The following STK33 variants were observed in gnomAD, a reference collection of about 807,000 sequenced individuals.
STK33 encodes serine/threonine kinase 33, also known as serine/threonine-protein kinase 33.
In STK33, 52 loss-of-function variants were observed where a neutral mutation model predicts 58.0. That is an observed-to-expected ratio of 0.90 (90% CI 0.72 to 1.13). The LOEUF is 1.13. Ranked by LOEUF, STK33 falls within the 50% of genes most tolerant of loss-of-function variation. The probability of loss-of-function intolerance (pLI) is 0.00; values close to 1 mark genes in which losing one functional copy is unlikely to be tolerated. For missense variants in STK33, 630 were observed against 604.2 expected, an observed-to-expected ratio of 1.04 and a Z score of -0.45; for synonymous variants, 215 against 200.1, an observed-to-expected ratio of 1.07 and a Z score of -0.63.
In STK33 at chr11:8,461,835, T is replaced by G; in HGVS notation, c.528A>C (p.Ile176=). The G allele has an allele frequency of 6.2e-7, 1 of 1,601,770 alleles. No individual in the cohort carries two copies. The highest frequency in any genetic ancestry group is 1.3e-5 in the African/African-American group (1 of 74,272). The change falls in exon 8 of 16, where the codon ATA becomes ATC. Residue 176 remains isoleucine, a synonymous_variant. Transcript: ENST00000687296. ...GCGTTTCAAATACTTGTTCCAGATGTATGATGTGTTCATGTTTTACACTTT... is the reference window on the plus strand; with the variant it reads ...GCGTTTCAAATACTTGTTCCAGATGGATGATGTGTTCATGTTTTACACTTT... ...ILKSVKHEHI[I]HLEQVFETPK...
chr11:8,502,910 T>C (rs1036416751), intron 1 of STK33, among the ~76,000 whole-genome samples: 2 of 152,010 alleles, frequency 1.3e-5, no homozygotes, highest in African/African-American at 4.8e-5. Context: ...GAAATGCAAA[T>C]CAAAACCACA....
intron 1 of STK33, among the ~76,000 whole-genome samples, chr11:8,576,112 C>T (rs1412624683): frequency 6.6e-6 from 1 of 151,980 alleles, no homozygotes; most frequent in African/African-American, 2.4e-5. Flanking sequence ...AGAAACTGGG[C>T]ATCTGAGATG....
intron 12 of STK33, 79 bp downstream of exon 12, chr11:8,440,599 T>C: frequency 8.3e-7 from 1 of 1,204,620 alleles, no homozygotes; most frequent in Non-Finnish European, 1.1e-6. Context: ...TATATATTAG[T>C]TTTAATTTAA....
chr11:8,392,802 C>T (rs1848756966), intron 15 of STK33, 92 bp from the exon 16 acceptor site: 1 of 1,278,324 alleles, frequency 7.8e-7, no homozygotes, highest in East Asian at 2.4e-5. Context: ...CCAGGATTTG[C>T]AAGTTGGAGC....
chr11:8,489,119 T>C (rs1950391775), intron 1 of STK33, among the ~76,000 whole-genome samples: 1 of 151,974 alleles, frequency 6.6e-6, no homozygotes, highest in Non-Finnish European at 1.5e-5. Flanking sequence ...CAGCCAGGCA[T>C]GGTGGCATGC....
Position 8,457,415 on chromosome 11 carries a change from C to T in STK33, c.623G>A (p.Gly208Glu). The T allele has an allele frequency of 6.2e-7, 1 of 1,607,460 alleles. No individual in the cohort carries two copies. The highest frequency in any genetic ancestry group is 1.1e-5 in the South Asian group (1 of 90,124). ...GELKEILDRK[G>E]HFSENETRWI... Reference sequence around the variant, plus strand: ...CCTTGTCTCATTCTCTGAGAAATGCCCTTTCCTATCCAGAATTTCTTTGAG... The same window carrying T: ...CCTTGTCTCATTCTCTGAGAAATGCTCTTTCCTATCCAGAATTTCTTTGAG... The change falls in exon 9 of 16, where the codon GGG (glycine) becomes GAG (glutamate). Residue 208 changes from glycine (G) to glutamate (E), a missense_variant. Transcript: ENST00000687296.
At chr11:8,423,300 T>A (rs1414724676) in intron 14 of STK33, among the ~76,000 whole-genome samples, 1 of 151,992 alleles carries the variant, frequency 6.6e-6, no homozygotes, top group Non-Finnish European at 1.5e-5. Context: ...CTTTATTTGG[T>A]TTTACTCTGT....
At chr11:8,583,147 C>T (rs1466829081) in intron 1 of STK33, among the ~76,000 whole-genome samples, 1 of 152,194 alleles carries the variant, frequency 6.6e-6, no homozygotes, top group East Asian at 1.9e-4. Flanking sequence ...ACAGATACGT[C>T]TAGTCCTTCT....
intron 1 of STK33, among the ~76,000 whole-genome samples, chr11:8,489,888 G>A (rs61880272): frequency 0.03 from 4,531 of 152,216 alleles, 128 homozygotes; most frequent in Non-Finnish European, 0.046. Flanking sequence ...AAGATTGATT[G>A]AGATTAGCTA....
At chr11:8,346,753 T>A in the STK33 span, among the ~76,000 whole-genome samples, 9 of 152,250 alleles carry the variant, frequency 5.9e-5, no homozygotes, top group South Asian at 1.9e-3. Flanking sequence ...CTTGCTGCCG[T>A]AACTCAAGCC....
At chr11:8,401,140 A>C (rs966807460) in intron 15 of STK33, among the ~76,000 whole-genome samples, 1 of 152,190 alleles carries the variant, frequency 6.6e-6, no homozygotes, top group African/African-American at 2.4e-5. Context: ...TATGGAACCA[A>C]AAAAGAGCCC....
At chr11:8,393,662 T>C (rs1264386989) in intron 15 of STK33, among the ~76,000 whole-genome samples, 2 of 152,208 alleles carry the variant, frequency 1.3e-5, no homozygotes, top group Non-Finnish European at 2.9e-5. Context: ...TACCTGAAAG[T>C]CACAGCACAC....
At chr11:8,354,436 T>C in the STK33 span, among the ~76,000 whole-genome samples, 1 of 147,822 alleles carries the variant, frequency 6.8e-6, no homozygotes. Flanking sequence ...CCTAATTCCC[T>C]AGCAGATCAA....
At chr11:8,545,709 G>A (rs545403209) in intron 1 of STK33, among the ~76,000 whole-genome samples, 5 of 152,254 alleles carry the variant, frequency 3.3e-5, no homozygotes, top group African/African-American at 7.2e-5. Context: ...TAGTTAGGAA[G>A]GTAAGGTATG....
chr11:8,591,120 T>C (rs1275512122), intron 1 of STK33, among the ~76,000 whole-genome samples: 6 of 152,212 alleles, frequency 3.9e-5, no homozygotes, highest in African/African-American at 7.2e-5. Context: ...AAGTCAATGG[T>C]TGAAACAGCC....
intron 1 of STK33, among the ~76,000 whole-genome samples, chr11:8,496,973 T>C (rs575178029): frequency 1.3e-5 from 2 of 152,304 alleles, no homozygotes; most frequent in African/African-American, 2.4e-5. Flanking sequence ...TGATTTATCT[T>C]CATGTATGAA....
intron 1 of STK33, among the ~76,000 whole-genome samples, chr11:8,584,516 G>A (rs2031111868): frequency 1.3e-5 from 2 of 152,176 alleles, no homozygotes; most frequent in South Asian, 4.1e-4. Flanking sequence ...GGCAAGAGAG[G>A]CCTGAGAGAC....
intron 1 of STK33, among the ~76,000 whole-genome samples, chr11:8,543,154 A>C (rs1955654960): frequency 6.6e-6 from 1 of 152,226 alleles, no homozygotes; most frequent in South Asian, 2.1e-4. Flanking sequence ...ATGAAAAATC[A>C]CATGTCCATT....
At chr11:8,563,358 A>G (rs1271517945) in intron 1 of STK33, among the ~76,000 whole-genome samples, 1 of 152,170 alleles carries the variant, frequency 6.6e-6, no homozygotes, top group African/African-American at 2.4e-5. Flanking sequence ...TGGTGTCCCA[A>G]GCTCAATCCA....
Sources: allele counts gnomAD v4.1 joint callset (sites outside exome capture counted in the v4.1 genomes callset), GRCh38; gene constraint gnomAD v4.1.1; transcripts MANE v1.5; gene names NCBI Gene and HGNC (gene_info 2026-07-23, HGNC 2026-07-21).